Variants in CTNNA2 observed in about 807,000 individuals in gnomAD.
CTNNA2 encodes catenin alpha-2.
CTNNA2 carries 42 observed loss-of-function variants against 101.0 expected under a neutral mutation model. The ratio of observed to expected loss-of-function variants is 0.42; its 90% CI spans 0.32 to 0.54. The LOEUF (loss-of-function observed/expected upper bound fraction) is 0.54. Among genes scored for constraint, CTNNA2 ranks in the 20% least tolerant of loss-of-function variants. The pLI is 0.14. For missense variants in CTNNA2, 871 were observed against 1,223.1 expected (o/e 0.71, Z 4.29); for synonymous variants, 450 against 456.4 (o/e 0.99, Z 0.18).
chr2:79,972,623 A>G (rs962202493), intron 7 of CTNNA2, among the ~76,000 whole-genome samples: 4 of 152,156 alleles, frequency 2.6e-5, no homozygotes. Flanking sequence ...AAGTGGAGTA[A>G]GAGCTGCGGG....
chr2:80,515,668 A>ATTT (rs1689057282), intron 9 of CTNNA2, among the ~76,000 whole-genome samples: 2 of 152,228 alleles, frequency 1.3e-5, no homozygotes, highest in African/African-American at 4.8e-5. Flanking sequence ...TTTAAATTTG[A>ATTT]AATGTGTTTT....
In CTNNA2 at chr2:80,635,195, T is replaced by C. The variant is rs1309156187; in HGVS notation, c.2575-12390T>C. Among the ~76,000 whole-genome samples, 3 of 152,086 alleles carry C rather than the reference T, an allele frequency of 2.0e-5. No individual in the cohort carries two copies. The East Asian group carries it at 5.8e-4, about 29-fold the overall frequency. On this transcript the variant is annotated intron_variant, in intron 18 of 18. Coordinates refer to ENST00000402739, the MANE Select transcript of CTNNA2 (RefSeq NM_001282597.3). ...ATCATTTGAAAATTATTTGAATGTG[T>C]GTTAATGTTAGTGGTGGATTTACAG...
intron 4 of CTNNA2, among the ~76,000 whole-genome samples, chr2:79,399,650 A>G (rs946512099): frequency 6.6e-6 from 1 of 152,082 alleles, no homozygotes; most frequent in Non-Finnish European, 1.5e-5. Context: ...TCTTCTTTCT[A>G]TAATTTAAAA....
intron 6 of CTNNA2, among the ~76,000 whole-genome samples, chr2:79,874,662 G>A (rs1003711285): frequency 6.6e-6 from 1 of 152,112 alleles, no homozygotes; most frequent in African/African-American, 2.4e-5. Flanking sequence ...TAAAACATTA[G>A]CTGGGCGTGG....
At chr2:80,121,553 A>G (rs903954984) in intron 7 of CTNNA2, among the ~76,000 whole-genome samples, 2 of 152,154 alleles carry the variant, frequency 1.3e-5, no homozygotes, top group Non-Finnish European at 2.9e-5. Flanking sequence ...ATTGAAAAGG[A>G]CCTAAGAAAA....
intron 3 of CTNNA2, among the ~76,000 whole-genome samples, chr2:79,854,262 A>G (rs1250663245): frequency 6.6e-6 from 1 of 152,164 alleles, no homozygotes; most frequent in Non-Finnish European, 1.5e-5. Context: ...GAGATCACCA[A>G]CTCTTCTTAC....
intron 6 of CTNNA2, among the ~76,000 whole-genome samples, chr2:79,896,749 G>C (rs924540807): frequency 6.6e-6 from 1 of 152,160 alleles, no homozygotes. Context: ...CTTAATAATG[G>C]GAATTAAAGA....
At chr2:79,924,432 T>A (rs1209051541) in intron 7 of CTNNA2, among the ~76,000 whole-genome samples, 1 of 152,164 alleles carries the variant, frequency 6.6e-6, no homozygotes, top group African/African-American at 2.4e-5. Flanking sequence ...TTGCTTCTGT[T>A]GTCTTTGTCC....
intron 2 of CTNNA2, among the ~76,000 whole-genome samples, chr2:79,666,904 A>G (rs1682459074): frequency 6.6e-6 from 1 of 152,164 alleles, no homozygotes. Context: ...CCTCTCAAGC[A>G]TGGTGTCCTC....
intron 3 of CTNNA2, among the ~76,000 whole-genome samples, chr2:79,324,495 A>G (rs1676698408): frequency 6.6e-6 from 1 of 152,188 alleles, no homozygotes; most frequent in Non-Finnish European, 1.5e-5. Context: ...GAATTTGACT[A>G]ATCTTTAGCC....
intron 9 of CTNNA2, among the ~76,000 whole-genome samples, chr2:80,540,216 T>C (rs181415444): frequency 1.3e-5 from 2 of 152,248 alleles, no homozygotes; most frequent in Admixed American, 6.5e-5. Flanking sequence ...GGAGAAAATA[T>C]TAGCTTTGAA....
intron 7 of CTNNA2, among the ~76,000 whole-genome samples, chr2:79,917,792 G>A (rs1403199175): frequency 2.0e-5 from 3 of 152,156 alleles, no homozygotes; most frequent in Admixed American, 6.5e-5. Context: ...ATCTTCTCTG[G>A]TAGAATCATG....
intron 1 of CTNNA2, among the ~76,000 whole-genome samples, chr2:79,588,091 C>G (rs1158958857): frequency 2.0e-5 from 3 of 152,198 alleles, no homozygotes; most frequent in Admixed American, 6.5e-5. Context: ...AAGATTGTTT[C>G]AGGCCATTCT....
chr2:80,378,283 G>A (rs987285193), intron 7 of CTNNA2, among the ~76,000 whole-genome samples: 1 of 151,898 alleles, frequency 6.6e-6, no homozygotes, highest in Non-Finnish European at 1.5e-5. Flanking sequence ...TTGAACGCAG[G>A]AGACGGAGCT....
chr2:79,841,425 A>T (rs1319339576), intron 3 of CTNNA2, among the ~76,000 whole-genome samples: 1 of 152,200 alleles, frequency 6.6e-6, no homozygotes, highest in East Asian at 1.9e-4. Context: ...AATAAGCCTA[A>T]GATTCAGAGG....
At chr2:80,426,212 A>G (rs1291027994) in intron 9 of CTNNA2, among the ~76,000 whole-genome samples, 5 of 152,184 alleles carry the variant, frequency 3.3e-5, no homozygotes. Context: ...CTCACGTCTA[A>G]GCCTTCTGGA....
intron 7 of CTNNA2, among the ~76,000 whole-genome samples, chr2:80,246,577 A>T (rs561310707): frequency 1.3e-5 from 2 of 152,326 alleles, no homozygotes; most frequent in East Asian, 3.9e-4. Flanking sequence ...TCAAATGAAT[A>T]AATAGCTCTT....
intron 1 of CTNNA2, among the ~76,000 whole-genome samples, chr2:79,518,985 T>C (rs112975933): frequency 0.2 from 30,721 of 151,876 alleles, 3,300 homozygotes; most frequent in Middle Eastern, 0.34. Flanking sequence ...TCCCAGCACT[T>C]TGGGAGGCTG....
intron 1 of CTNNA2, among the ~76,000 whole-genome samples, chr2:79,597,563 G>C (rs1677283176): frequency 6.6e-6 from 1 of 152,036 alleles, no homozygotes; most frequent in South Asian, 2.1e-4. Context: ...GATCTGAAAG[G>C]AGGACCCAGG....
Sources: allele counts gnomAD v4.1 joint callset (sites outside exome capture counted in the v4.1 genomes callset), GRCh38; gene constraint gnomAD v4.1.1; transcripts MANE v1.5; gene names NCBI Gene and HGNC (gene_info 2026-07-23, HGNC 2026-07-21).